Variants in GABRA3 observed in about 807,000 individuals in gnomAD.
GABRA3 encodes the protein gamma-aminobutyric acid receptor subunit alpha-3.
A neutral mutation model predicts 30.1 loss-of-function variants in GABRA3; 10 were observed. That is an observed-to-expected ratio of 0.33 (90% confidence interval 0.20 to 0.56). GABRA3 has a LOEUF of 0.56. GABRA3 is among the 20% of genes least tolerant of loss of function. The pLI, the probability that GABRA3 is intolerant of heterozygous loss-of-function variation, is 0.89. For missense variants in GABRA3, 233 were observed against 392.0 expected, an observed-to-expected ratio of 0.59 and a Z score of 3.42; for synonymous variants, 151 against 146.8, an observed-to-expected ratio of 1.03 and a Z score of -0.21.
At chrX:152,253,296 C>G (rs1197271380) in intron 5 of GABRA3, among the ~76,000 whole-genome samples, 1 of 111,727 alleles carries the variant, frequency 9.0e-6, no homozygotes, top group African/African-American at 3.2e-5. Context: ...CTTTATATCT[C>G]TACATTGTAT....
intron 1 of GABRA3, among the ~76,000 whole-genome samples, chrX:152,413,791 C>T (rs1310361702): frequency 2.8e-5 from 3 of 107,576 alleles, no homozygotes; most frequent in Admixed American, 1.0e-4. Flanking sequence ...CTAACCAATA[C>T]AATAAAGAAA....
chrX:152,270,964 C>CT (rs143686229), intron 4 of GABRA3, among the ~76,000 whole-genome samples: 15,237 of 97,470 alleles, frequency 0.16, 1,284 homozygotes, highest in African/African-American at 0.27. Context: ...CTAGAGACTT[C>CT]TTTTTTTTTT....
intron 8 of GABRA3, among the ~76,000 whole-genome samples, chrX:152,197,033 A>ATT (rs1937397748): frequency 8.9e-6 from 1 of 112,152 alleles, no homozygotes; most frequent in Non-Finnish European, 1.9e-5. Context: ...ACAGTGGGAA[A>ATT]AATAGGCAGG....
intron 5 of GABRA3, among the ~76,000 whole-genome samples, chrX:152,226,975 G>A (rs962631604): frequency 6.3e-5 from 7 of 111,100 alleles, no homozygotes; most frequent in East Asian, 2.9e-4. Flanking sequence ...TCGGTGTGGC[G>A]ATTCCTCAGG....
chrX:152,189,541 G>A (rs973529313), intron 9 of GABRA3, among the ~76,000 whole-genome samples, 189 bp downstream of exon 9: 1 of 110,925 alleles, frequency 9.0e-6, no homozygotes, highest in Non-Finnish European at 1.9e-5. Context: ...CATGATACCT[G>A]CCCTCTTTTC....
intron 3 of GABRA3, among the ~76,000 whole-genome samples, chrX:152,305,629 G>C (rs1399990079): frequency 9.0e-6 from 1 of 111,187 alleles, no homozygotes; most frequent in Non-Finnish European, 1.9e-5. Context: ...GTAAAAGAAA[G>C]AATAATTAAG....
chrX:152,435,521 C>G (rs1259945454), intron 1 of GABRA3, among the ~76,000 whole-genome samples: 1 of 107,996 alleles, frequency 9.3e-6, no homozygotes, highest in Non-Finnish European at 1.9e-5. Flanking sequence ...CACATGTTCT[C>G]ACTCATAAGG....
At chrX:152,196,224 T>TA (rs1383061867) in intron 8 of GABRA3, among the ~76,000 whole-genome samples, 2 of 71,689 alleles carry the variant, frequency 2.8e-5, no homozygotes, top group East Asian at 7.8e-4. Context: ...CTGTCTCTAC[T>TA]AAAAATACAA....
chrX:152,413,035 T>C (rs758845639), intron 1 of GABRA3, among the ~76,000 whole-genome samples: 18 of 110,794 alleles, frequency 1.6e-4, no homozygotes, highest in Non-Finnish European at 3.0e-4. Flanking sequence ...GTTTAATAAA[T>C]TCAAATACAT....
chrX:152,235,034 G>C (rs757876125), intron 5 of GABRA3, among the ~76,000 whole-genome samples: 1 of 111,620 alleles, frequency 9.0e-6, no homozygotes, highest in Non-Finnish European at 1.9e-5. Context: ...GGTAGGAATT[G>C]CACTGAATCT....
At chrX:152,385,973 C>T (rs1415358037) in intron 1 of GABRA3, among the ~76,000 whole-genome samples, 2 of 110,244 alleles carry the variant, frequency 1.8e-5, no homozygotes, top group South Asian at 3.9e-4. Context: ...GGTACCAGTA[C>T]CATGCTGTTT....
chrX:152,362,483 T>C (rs1156801482), intron 2 of GABRA3, among the ~76,000 whole-genome samples: 1 of 111,379 alleles, frequency 9.0e-6, no homozygotes, highest in Non-Finnish European at 1.9e-5. Flanking sequence ...TATAAAATCA[T>C]GTTAAAGAGT....
intron 1 of GABRA3, among the ~76,000 whole-genome samples, chrX:152,421,098 T>TACACAC (rs60206606): frequency 1.2e-4 from 11 of 94,987 alleles, no homozygotes; most frequent in African/African-American, 1.9e-4. Flanking sequence ...TTACACATTA[T>TACACAC]ACACACACAC....
chrX:152,305,987 T>C (rs924265755), intron 3 of GABRA3, among the ~76,000 whole-genome samples: 1 of 111,862 alleles, frequency 8.9e-6, no homozygotes, highest in Non-Finnish European at 1.9e-5. Flanking sequence ...TTTTATCTCA[T>C]ACCACATATA....
At chrX:152,264,896 C>G (rs1359411659) in intron 4 of GABRA3, among the ~76,000 whole-genome samples, 3 of 110,986 alleles carry the variant, frequency 2.7e-5, no homozygotes, top group African/African-American at 9.8e-5. Flanking sequence ...TAAGAAGATA[C>G]AAAGAAGGTC....
intron 4 of GABRA3, among the ~76,000 whole-genome samples, chrX:152,256,435 A>T (rs5970246): frequency 9.0e-6 from 1 of 111,159 alleles, no homozygotes; most frequent in African/African-American, 3.3e-5. Context: ...CGTACATTTA[A>T]TCTGAGCCTC....
chrX:152,199,918 A>T (rs892611815), intron 7 of GABRA3, among the ~76,000 whole-genome samples: 2 of 111,133 alleles, frequency 1.8e-5, no homozygotes, highest in Non-Finnish European at 3.8e-5. Flanking sequence ...TATTTCCATA[A>T]TTTGACCACT....
At chrX:152,323,845 A>G (rs1350597624) in intron 3 of GABRA3, among the ~76,000 whole-genome samples, 1 of 112,099 alleles carries the variant, frequency 8.9e-6, no homozygotes, top group African/African-American at 3.2e-5. Flanking sequence ...TAGAGAAAAT[A>G]GAACAAAGAA....
At chrX:152,388,276 A>G (rs1929380509) in intron 1 of GABRA3, among the ~76,000 whole-genome samples, 1 of 112,099 alleles carries the variant, frequency 8.9e-6, no homozygotes, top group Non-Finnish European at 1.9e-5. Context: ...AACAAATATT[A>G]TCAAAGAGAA....
Sources: allele counts gnomAD v4.1 joint callset (sites outside exome capture counted in the v4.1 genomes callset), GRCh38; gene constraint gnomAD v4.1.1; transcripts MANE v1.5; gene names NCBI Gene and HGNC (gene_info 2026-07-23, HGNC 2026-07-21).